FMN1: variants seen among roughly 807,000 people sequenced by gnomAD.
FMN1 encodes formin-1.
FMN1 carries 110 observed loss-of-function variants against 132.4 expected under a neutral mutation model. The ratio of observed to expected loss-of-function variants is 0.83; its 90% CI spans 0.71 to 0.97. FMN1 has a LOEUF of 0.97. FMN1 is among the 50% of genes least tolerant of loss of function. FMN1 has a pLI of 0.00. For missense variants in FMN1, 1,792 were observed against 1,705.3 expected (o/e 1.05, Z -0.90); for synonymous variants, 722 against 651.7 (o/e 1.11, Z -1.64).
chr15:32,858,305 A>G (rs1464356824), intron 16 of FMN1, among the ~76,000 whole-genome samples: 3 of 152,202 alleles, frequency 2.0e-5, no homozygotes, highest in Non-Finnish European at 4.4e-5. Context: ...ACACCACTTA[A>G]ATGTTCTCTG....
intron 6 of FMN1, among the ~76,000 whole-genome samples, chr15:33,046,927 T>C (rs2036714536): frequency 6.6e-6 from 1 of 152,242 alleles, no homozygotes; most frequent in South Asian, 2.1e-4. Flanking sequence ...GGATAAAACA[T>C]GGGCTTAGAA....
chr15:32,794,891 G>A (rs1372174242), intron 19 of FMN1, among the ~76,000 whole-genome samples: 1 of 152,158 alleles, frequency 6.6e-6, no homozygotes, highest in Admixed American at 6.5e-5. Context: ...ATAAAAAAAC[G>A]TGATCTTCAA....
intron 16 of FMN1, among the ~76,000 whole-genome samples, chr15:32,871,878 A>G (rs574321934): frequency 6.6e-6 from 1 of 152,310 alleles, no homozygotes; most frequent in African/African-American, 2.4e-5. Context: ...TCACATTGGA[A>G]GTGCAAAACT....
intron 4 of FMN1, among the ~76,000 whole-genome samples, chr15:33,093,085 C>G (rs2038959288): frequency 6.6e-6 from 1 of 152,196 alleles, no homozygotes; most frequent in Admixed American, 6.5e-5. Flanking sequence ...GGACAAAAGT[C>G]CCTAAGGGAC....
chr15:33,060,202 G>A (rs893320060), intron 6 of FMN1, among the ~76,000 whole-genome samples: 20 of 152,098 alleles, frequency 1.3e-4, no homozygotes, highest in African/African-American at 4.3e-4. Context: ...TTCCCCAGAC[G>A]GTGAAAGAGA....
At chr15:32,916,908 G>C (rs562587003) in intron 10 of FMN1, among the ~76,000 whole-genome samples, 1 of 152,084 alleles carries the variant, frequency 6.6e-6, no homozygotes, top group Non-Finnish European at 1.5e-5. Flanking sequence ...AAGAAATATA[G>C]AAGGACTTGG....
rs896558233 is a variant in FMN1, at chr15:33,032,865, C to T, written c.2162-24790G>A. On this transcript the variant is annotated intron_variant, in intron 6 of 20. Transcript: ENST00000616417. ...TGGGGGGGTTATTTTACTACTGTGT[C>T]TTGTTTCTTCATCTATATATGGGAA... 3.3e-5 allele frequency among the ~76,000 whole-genome samples: 5 copies of T among 152,170 alleles called. 1 individual carries two copies. Among genetic ancestry groups the T allele is most frequent in the East Asian group, 1.9e-4 (1 of 5,172 alleles).
intron 7 of FMN1, among the ~76,000 whole-genome samples, chr15:32,987,878 T>A (rs1408525463): frequency 3.3e-5 from 5 of 152,034 alleles, no homozygotes; most frequent in African/African-American, 1.2e-4. Flanking sequence ...TGAGTATAAT[T>A]TAGTTTCAAA....
intron 6 of FMN1, among the ~76,000 whole-genome samples, chr15:33,032,146 A>G (rs2035967667): frequency 1.3e-5 from 2 of 152,232 alleles, no homozygotes; most frequent in South Asian, 4.1e-4. Flanking sequence ...TTTTAACCAT[A>G]GTATTCCACT....
At chr15:32,945,641 T>C (rs1217685709) in intron 9 of FMN1, among the ~76,000 whole-genome samples, 1 of 152,196 alleles carries the variant, frequency 6.6e-6, no homozygotes, top group Non-Finnish European at 1.5e-5. Context: ...TTATCTTCAA[T>C]GTCATCATAT....
intron 9 of FMN1, among the ~76,000 whole-genome samples, chr15:32,961,282 C>A (rs1004301243): frequency 6.6e-6 from 1 of 151,814 alleles, no homozygotes. Flanking sequence ...TACAGGCGCC[C>A]GCCACCACAC....
intron 19 of FMN1, among the ~76,000 whole-genome samples, 170 bp downstream of exon 19, chr15:32,798,634 A>G (rs868767819): frequency 9.8e-5 from 15 of 152,296 alleles, no homozygotes; most frequent in South Asian, 2.1e-4. Flanking sequence ...GTGGACAGCA[A>G]GCTTTCCCCG....
chr15:32,947,992 G>A (rs939954311), intron 9 of FMN1, among the ~76,000 whole-genome samples: 2 of 151,956 alleles, frequency 1.3e-5, no homozygotes, highest in Non-Finnish European at 2.9e-5. Context: ...ATGTAGAAAT[G>A]TGTATCATAT....
chr15:32,850,468 G>A (rs1322649898), intron 17 of FMN1, among the ~76,000 whole-genome samples: 1 of 152,072 alleles, frequency 6.6e-6, no homozygotes, highest in South Asian at 2.1e-4. Context: ...ATGTATTATC[G>A]ACCAAAAATG....
At chr15:32,841,683 G>C (rs1163393493) in intron 17 of FMN1, among the ~76,000 whole-genome samples, 5 of 152,158 alleles carry the variant, frequency 3.3e-5, no homozygotes, top group African/African-American at 4.8e-5. Flanking sequence ...CGTGAGGCTA[G>C]TATTTATGAA....
chr15:33,108,356 C>A (rs1209782395), intron 4 of FMN1, among the ~76,000 whole-genome samples: 3 of 151,996 alleles, frequency 2.0e-5, no homozygotes, highest in African/African-American at 7.2e-5. Flanking sequence ...GGGTGTGAAT[C>A]TTCTATCTAC....
chr15:33,123,117 A>T (rs1475465432), intron 4 of FMN1, among the ~76,000 whole-genome samples: 4 of 151,004 alleles, frequency 2.6e-5, no homozygotes, highest in Non-Finnish European at 5.9e-5. Flanking sequence ...CTTTCTTTCA[A>T]CGTCATATCG....
chr15:32,992,119 C>T (rs1181526744), intron 7 of FMN1, among the ~76,000 whole-genome samples: 3 of 152,100 alleles, frequency 2.0e-5, no homozygotes, highest in African/African-American at 7.2e-5. Context: ...GTAATGCAAT[C>T]TTGTTTTCTC....
intron 17 of FMN1, among the ~76,000 whole-genome samples, chr15:32,839,721 C>A (rs755692093): frequency 5.9e-5 from 9 of 151,332 alleles, no homozygotes; most frequent in Non-Finnish European, 8.8e-5. Flanking sequence ...AGAGAAGATT[C>A]TCTTGAGAAC....
Sources: gnomAD v4.1 joint callset for allele counts (sites outside exome capture counted in the v4.1 genomes callset) on GRCh38, gnomAD v4.1.1 for gene constraint, MANE v1.5 for transcripts, NCBI Gene and HGNC (gene_info 2026-07-23, HGNC 2026-07-21) for gene names.